ASIC2: variants seen among roughly 807,000 people sequenced by gnomAD.
The protein encoded by ASIC2 is acid-sensing ion channel 2.
ASIC2 carries 25 observed loss-of-function variants against 57.3 expected under a neutral mutation model. The observed-to-expected ratio is 0.44, with a 90% confidence interval of 0.32 to 0.61. The LOEUF is 0.61. ASIC2 is among the 20% of genes least tolerant of loss of function. The pLI is 0.06. For synonymous variants in ASIC2, 319 were observed against 307.5 expected, an observed-to-expected ratio of 1.04 and a Z score of -0.39; for missense variants, 641 against 738.1, an observed-to-expected ratio of 0.87 and a Z score of 1.52.
At chr17:34,050,457 G>A (rs950358325) in intron 1 of ASIC2, among the ~76,000 whole-genome samples, 1 of 152,180 alleles carries the variant, frequency 6.6e-6, no homozygotes, top group Non-Finnish European at 1.5e-5. Flanking sequence ...GGCTGCACAA[G>A]ATTCTTGAAA....
chr17:33,240,253 C>T (rs1290133502), intron 1 of ASIC2, among the ~76,000 whole-genome samples: 1 of 152,140 alleles, frequency 6.6e-6, no homozygotes, highest in African/African-American at 2.4e-5. Flanking sequence ...ACACTGCCTC[C>T]CCTACTTCAT....
At chr17:33,472,043 G>C (rs1913070050) in intron 1 of ASIC2, among the ~76,000 whole-genome samples, 1 of 148,410 alleles carries the variant, frequency 6.7e-6, no homozygotes, top group African/African-American at 2.5e-5. Flanking sequence ...TTTTGATACG[G>C]AGTTTTGCTC....
chr17:33,739,707 G>C (rs1038520407), intron 1 of ASIC2, among the ~76,000 whole-genome samples: 2 of 151,810 alleles, frequency 1.3e-5, no homozygotes, highest in East Asian at 3.9e-4. Flanking sequence ...CAGAACCCCA[G>C]GCTAGGAGAG....
At chr17:33,552,682 T>C (rs996050232) in intron 1 of ASIC2, among the ~76,000 whole-genome samples, 1 of 152,250 alleles carries the variant, frequency 6.6e-6, no homozygotes, top group Non-Finnish European at 1.5e-5. Flanking sequence ...TCATCATAGA[T>C]ACTTTGAATA....
intron 1 of ASIC2, among the ~76,000 whole-genome samples, chr17:33,126,046 CAGG>C (rs2092321936): frequency 6.6e-6 from 1 of 152,200 alleles, no homozygotes; most frequent in African/African-American, 2.4e-5. Flanking sequence ...CAGATGAAAA[CAGG>C]AGGAGAGACA....
At chr17:33,107,065 T>A (rs1021441479) in intron 2 of ASIC2, among the ~76,000 whole-genome samples, 33 of 152,210 alleles carry the variant, frequency 2.2e-4, no homozygotes, top group African/African-American at 7.7e-4. Flanking sequence ...CTAAGCTTGT[T>A]TGATTCAGGT....
At chr17:33,765,549 T>C (rs1910910831) in intron 1 of ASIC2, among the ~76,000 whole-genome samples, 2 of 152,184 alleles carry the variant, frequency 1.3e-5, no homozygotes. Context: ...AAATGAAAAG[T>C]TCTTAGGTCA....
intron 1 of ASIC2, among the ~76,000 whole-genome samples, chr17:33,519,724 A>T (rs907980716): frequency 5.3e-5 from 8 of 152,168 alleles, no homozygotes; most frequent in African/African-American, 1.9e-4. Flanking sequence ...TCCTTAAGGA[A>T]GGTCTTTTTA....
chr17:33,068,514 A>G (rs920457177), intron 3 of ASIC2, among the ~76,000 whole-genome samples: 2 of 136,884 alleles, frequency 1.5e-5, no homozygotes, highest in Non-Finnish European at 3.2e-5. Flanking sequence ...GGGCAACAAG[A>G]GCGAAACTCC....
At chr17:33,220,059 A>T (rs1411566067) in intron 1 of ASIC2, among the ~76,000 whole-genome samples, 1 of 152,070 alleles carries the variant, frequency 6.6e-6, no homozygotes, top group African/African-American at 2.4e-5. Flanking sequence ...TTTCTTGACT[A>T]CCCCTGCTAA....
intron 1 of ASIC2, among the ~76,000 whole-genome samples, chr17:33,358,734 T>C (rs151089467): frequency 1.7e-4 from 26 of 152,298 alleles, no homozygotes; most frequent in African/African-American, 5.8e-4. Flanking sequence ...AGGAGACAAC[T>C]GCTCCTATTG....
chr17:33,066,306 G>C (rs111402558), intron 3 of ASIC2, among the ~76,000 whole-genome samples: 11 of 152,292 alleles, frequency 7.2e-5, no homozygotes, highest in African/African-American at 2.6e-4. Flanking sequence ...GGCTGTCTCT[G>C]ATAATGAACA....
At chr17:33,197,425 C>T (rs932476568) in intron 1 of ASIC2, among the ~76,000 whole-genome samples, 3 of 152,224 alleles carry the variant, frequency 2.0e-5, no homozygotes, top group Non-Finnish European at 2.9e-5. Flanking sequence ...CATCTGTACC[C>T]TTCCTTACAG....
intron 1 of ASIC2, among the ~76,000 whole-genome samples, chr17:33,862,004 A>T (rs978191078): frequency 2.6e-5 from 4 of 152,198 alleles, no homozygotes; most frequent in African/African-American, 9.7e-5. Context: ...CTTAAGCTTG[A>T]TGCTTGAGCT....
At chr17:33,766,524 A>G (rs1357734373) in intron 1 of ASIC2, among the ~76,000 whole-genome samples, 1 of 152,040 alleles carries the variant, frequency 6.6e-6, no homozygotes, top group African/African-American at 2.4e-5. Context: ...AGACTTCTCA[A>G]CCTCCATGTT....
intron 1 of ASIC2, among the ~76,000 whole-genome samples, chr17:34,009,453 A>T (rs538677621): frequency 1.1e-4 from 17 of 152,240 alleles, no homozygotes; most frequent in South Asian, 2.1e-4. Flanking sequence ...AAAGAATATA[A>T]AATATCTCTT....
chr17:33,348,248 G>T (rs186074766), intron 1 of ASIC2, among the ~76,000 whole-genome samples: 1 of 152,256 alleles, frequency 6.6e-6, no homozygotes, highest in African/African-American at 2.4e-5. Context: ...GGTGAAGGGG[G>T]CTTTGATCCA....
chr17:34,048,349 T>C (rs1485398678), intron 1 of ASIC2, among the ~76,000 whole-genome samples: 1 of 152,240 alleles, frequency 6.6e-6, no homozygotes, highest in Non-Finnish European at 1.5e-5. Context: ...TTGTACTACA[T>C]TCCTCTTGGT....
intron 1 of ASIC2, among the ~76,000 whole-genome samples, chr17:33,321,226 A>G (rs1415873332): frequency 6.6e-6 from 1 of 152,124 alleles, no homozygotes; most frequent in Non-Finnish European, 1.5e-5. Flanking sequence ...GTGTGCCATT[A>G]TTTCCTCGAG....
Sources: allele counts gnomAD v4.1 joint callset (sites outside exome capture counted in the v4.1 genomes callset), GRCh38; gene constraint gnomAD v4.1.1; transcripts MANE v1.5; gene names NCBI Gene and HGNC (gene_info 2026-07-23, HGNC 2026-07-21).